The following SGMS1 variants were observed in gnomAD, a reference collection of about 807,000 sequenced individuals.
SGMS1 encodes the protein sphingomyelin synthase 1.
SGMS1 carries 13 observed loss-of-function variants against 46.2 expected under a neutral mutation model. The observed-to-expected ratio is 0.28, with a 90% CI of 0.18 to 0.45. The LOEUF (loss-of-function observed/expected upper bound fraction) is 0.45. Ranked by LOEUF, SGMS1 falls within the 20% of genes least tolerant of loss-of-function variation. SGMS1 has a pLI of 1.00. For synonymous variants in SGMS1, 203 were observed against 187.8 expected (o/e 1.08, Z -0.66); for missense variants, 324 against 519.9 (o/e 0.62, Z 3.66).
At chr10:50,612,769 C>T (rs61858144) in intron 1 of SGMS1, among the ~76,000 whole-genome samples, 36,427 of 152,026 alleles carry the variant, frequency 0.24, 4,953 homozygotes, top group Middle Eastern at 0.33. Context: ...AGTGCAGTGG[C>T]GTGATCGCGG....
intron 6 of SGMS1, among the ~76,000 whole-genome samples, chr10:50,371,627 C>G (rs1441031394): frequency 6.6e-6 from 1 of 152,202 alleles, no homozygotes; most frequent in South Asian, 2.1e-4. Context: ...CCACCTAGAA[C>G]ACCTCCACCC....
intron 3 of SGMS1, among the ~76,000 whole-genome samples, chr10:50,499,596 T>A (rs1269859358): frequency 6.6e-6 from 1 of 152,198 alleles, no homozygotes; most frequent in African/African-American, 2.4e-5. Flanking sequence ...ATTATAAACA[T>A]AAATATTCTT....
chr10:50,465,000 T>TAGGG (rs1837313085), intron 4 of SGMS1, among the ~76,000 whole-genome samples: 1 of 152,140 alleles, frequency 6.6e-6, no homozygotes, highest in South Asian at 2.1e-4. Flanking sequence ...AAGCATTGGA[T>TAGGG]CTAGGCATTC....
At chr10:50,572,775 T>C (rs1336546401) in intron 2 of SGMS1, among the ~76,000 whole-genome samples, 2 of 152,192 alleles carry the variant, frequency 1.3e-5, no homozygotes, top group African/African-American at 2.4e-5. Context: ...AAGATCCTTT[T>C]TGTATTTATA....
At chr10:50,622,010 C>T (rs1838856154) in intron 1 of SGMS1, among the ~76,000 whole-genome samples, 1 of 152,358 alleles carries the variant, frequency 6.6e-6, no homozygotes, top group Non-Finnish European at 1.5e-5. Flanking sequence ...CAAGATAAGA[C>T]AAGTGAGCTG....
intron 6 of SGMS1, among the ~76,000 whole-genome samples, chr10:50,415,416 C>T (rs1849156776): frequency 6.6e-6 from 1 of 152,068 alleles, no homozygotes; most frequent in Admixed American, 6.5e-5. Flanking sequence ...GGCATGCTTC[C>T]CCCTCTCCAT....
intron 6 of SGMS1, among the ~76,000 whole-genome samples, chr10:50,381,867 G>C (rs1281858401): frequency 6.6e-6 from 1 of 152,082 alleles, no homozygotes; most frequent in African/African-American, 2.4e-5. Context: ...GGAAAAATAG[G>C]GCGGTCCAAG....
intron 3 of SGMS1, among the ~76,000 whole-genome samples, chr10:50,485,066 A>C (rs1010644765): frequency 3.3e-5 from 5 of 152,198 alleles, no homozygotes; most frequent in African/African-American, 1.2e-4. Flanking sequence ...AAGAGAAAGA[A>C]ATAAAGGGTA....
In SGMS1 at chr10:50,485,466, A is replaced by G. The variant is rs1023537164; in HGVS notation, c.-497-18534T>C. On this transcript the variant is annotated intron_variant, in intron 3 of 10. Transcript: ENST00000361781. ...GAACTAATATCATTAAAATGGCCAT[A>G]CTGCCCAAAGTAATTTACAGATTCG... 3.3e-5 allele frequency among the ~76,000 whole-genome samples: 5 copies of G among 152,220 alleles called. No homozygotes were observed. In the South Asian group the frequency reaches 8.3e-4, roughly 25 times the overall value.
In SGMS1 at chr10:50,366,906, T is replaced by A. The variant is rs573251490; in HGVS notation, c.-231-22561A>T. Among the ~76,000 whole-genome samples the A allele has an allele frequency of 5.3e-5, 8 of 152,304 alleles. 1 individual carries two copies. Among genetic ancestry groups the A allele is most frequent in the Admixed American group, 5.2e-4 (8 of 15,302 alleles). On this transcript the variant is annotated intron_variant, in intron 6 of 10. Transcript: ENST00000361781. Reference sequence around the variant, plus strand: ...CATGACATGTGTATACATACCTATGTAACAAAACTGCACGTTCTGCACATG... The same window carrying A: ...CATGACATGTGTATACATACCTATGAAACAAAACTGCACGTTCTGCACATG...
intron 1 of SGMS1, among the ~76,000 whole-genome samples, chr10:50,597,225 T>C (rs529430439): frequency 7.2e-5 from 11 of 152,314 alleles, no homozygotes; most frequent in African/African-American, 2.4e-4. Context: ...CATGAAAAGA[T>C]GTTCAATATC....
Position 50,424,453 on chromosome 10 carries a change from G to A in SGMS1, c.-232+9023C>T, listed in dbSNP as rs1849295665. Among the ~76,000 whole-genome samples the A allele has an allele frequency of 2.0e-5, 3 of 152,240 alleles. No homozygotes were observed. The South Asian group carries it at 6.2e-4, about 32-fold the overall frequency. On this transcript the variant is annotated intron_variant, in intron 6 of 10. Coordinates refer to ENST00000361781, the MANE Select transcript of SGMS1 (RefSeq NM_147156.4). ...AGGTACTATCTATATTAAAATACCT[G>A]TCTAAAGTGTTTTAACCTAGGAAAT...
intron 7 of SGMS1, chr10:50,341,290 T>C (rs750517401): frequency 8.8e-6 from 4 of 455,650 alleles, no homozygotes; most frequent in Non-Finnish European, 1.8e-5. Context: ...TCTTTCTTCC[T>C]ACCTCCTACC....
At chr10:50,470,093 A>G (rs1228105276) in intron 3 of SGMS1, among the ~76,000 whole-genome samples, 1 of 152,202 alleles carries the variant, frequency 6.6e-6, no homozygotes, top group Non-Finnish European at 1.5e-5. Flanking sequence ...TGGAAATTGC[A>G]GCAGGCATGC....
chr10:50,506,961 A>G (rs1469565805), intron 3 of SGMS1, among the ~76,000 whole-genome samples: 1 of 152,188 alleles, frequency 6.6e-6, no homozygotes, highest in Non-Finnish European at 1.5e-5. Flanking sequence ...ACCCCTGCAA[A>G]GCATGTCCAT....
At chr10:50,329,933 A>G (rs537865411) in intron 7 of SGMS1, among the ~76,000 whole-genome samples, 1 of 152,208 alleles carries the variant, frequency 6.6e-6, no homozygotes, top group Non-Finnish European at 1.5e-5. Context: ...TTTTTCTGAG[A>G]GAAAAGGAAA....
rs571656298 is a variant in SGMS1 at position 50,411,201 on chromosome 10, T to C, written c.-232+22275A>G. 5.6e-4 allele frequency among the ~76,000 whole-genome samples: 86 copies of C among 152,316 alleles called. 2 individuals carry two copies. The South Asian group carries it at 0.011, about 20-fold the overall frequency. On this transcript the variant is annotated intron_variant, in intron 6 of 10. Transcript: ENST00000361781. ...TTGAAAAAACAAATGAATAAACCTATAACCACACTCTGTATTTAAAGAATT... is the reference window on the plus strand; with the variant it reads ...TTGAAAAAACAAATGAATAAACCTACAACCACACTCTGTATTTAAAGAATT...
At chr10:50,540,306 T>C (rs2133817410) in intron 2 of SGMS1, among the ~76,000 whole-genome samples, 1 of 152,210 alleles carries the variant, frequency 6.6e-6, no homozygotes, top group African/African-American at 2.4e-5. Flanking sequence ...GATAAATTAG[T>C]AATAAATAGA....
chr10:50,563,509 C>G (rs1191335813), intron 2 of SGMS1, among the ~76,000 whole-genome samples: 2 of 151,844 alleles, frequency 1.3e-5, no homozygotes, highest in East Asian at 3.9e-4. Context: ...TTTGGGAGGC[C>G]GAGGCGGGCG....
Sources: allele counts gnomAD v4.1 joint callset (sites outside exome capture counted in the v4.1 genomes callset), GRCh38; gene constraint gnomAD v4.1.1; transcripts MANE v1.5; gene names NCBI Gene and HGNC (gene_info 2026-07-23, HGNC 2026-07-21).